Variants in PPP2R5B observed in about 807,000 individuals in gnomAD.
PPP2R5B encodes the protein serine/threonine-protein phosphatase 2A 56 kDa regulatory subunit beta isoform.
PPP2R5B carries 19 observed loss-of-function variants against 59.9 expected under a neutral mutation model. The observed-to-expected ratio is 0.32, with a 90% CI of 0.22 to 0.47. The LOEUF is 0.47. Among genes scored for constraint, PPP2R5B ranks in the 20% least tolerant of loss-of-function variants. The pLI, the probability that PPP2R5B is intolerant of heterozygous loss-of-function variation, is 1.00. For missense variants in PPP2R5B, 441 were observed against 640.2 expected (o/e 0.69, Z 3.36); for synonymous variants, 286 against 260.5 (o/e 1.10, Z -0.94).
upstream of PPP2R5B, among the ~76,000 whole-genome samples, chr11:64,920,792 G>C (rs35131180): frequency 0.2 from 31,009 of 151,322 alleles, 3,482 homozygotes; most frequent in East Asian, 0.43. Context: ...ACCACGCCTG[G>C]CTAATTTTTC....
chr11:64,925,766 C>T lies in PPP2R5B; in HGVS notation c.32C>T (p.Pro11Leu), dbSNP rs763889029. Residue 11 changes from proline (P) to leucine (L), a missense_variant, in exon 2 of 14, where the codon CCC becomes CTC. Coordinates refer to ENST00000164133, the MANE Select transcript of PPP2R5B (RefSeq NM_006244.4). The surrounding 1 kb of genome is among the most constrained non-coding windows in gnomAD (Gnocchi z 4.6). ...ACGAAGCTGCCCCCTGCAAGCACCC[C>T]CACTAGCCCCTCCTCCCCCGGGCTG... is the stretch of plus-strand genomic sequence containing the variant. METKLPPAST[P>L]TSPSSPGLSP... is the part of the protein sequence containing the mutation. The T allele has an allele frequency of 5.6e-6, 9 of 1,593,100 alleles. No homozygotes were observed. The Admixed American group carries it at 1.4e-4, about 24-fold the overall frequency.
chr11:64,927,105 C>A (rs1945174434), intron 3 of PPP2R5B, among the ~76,000 whole-genome samples, 197 bp downstream of exon 3: 1 of 152,208 alleles, frequency 6.6e-6, no homozygotes, highest in Non-Finnish European at 1.5e-5. Context: ...CACACCTTTG[C>A]TTATGCTTGC....
intron 13 of PPP2R5B, 103 bp downstream of exon 13, chr11:64,933,349 C>T: frequency 1.0e-6 from 1 of 987,148 alleles, no homozygotes; most frequent in Non-Finnish European, 1.5e-6. Flanking sequence ...TCTGTCTGAT[C>T]AGATGCTGCA....
chr11:64,931,355 A>G lies in PPP2R5B; in HGVS notation c.892-81A>G, dbSNP rs1050115964. 2 of 1,486,062 alleles carry G rather than the reference A, an allele frequency of 1.3e-6. No homozygotes were observed. Among genetic ancestry groups the G allele is most frequent in the African/African-American group, 2.8e-5 (2 of 71,800 alleles). The allele number at this position is 1,486,062 out of a possible 1,614,324, so 92.1% of individuals were successfully genotyped here. ...AGGCCGTGGGTGAGCAGTATTTGGC[A>G]TTCTGTCCTGGACAGCAAGTCCTTG... On this transcript the variant is annotated intron_variant, in intron 8 of 13. Coordinates refer to ENST00000164133, the MANE Select transcript of PPP2R5B (RefSeq NM_006244.4). This position sits in a 1 kb window ranked among gnomAD's most constrained non-coding sequence, Gnocchi z 5.0.
chr11:64,929,720 C>T (rs1945207904), intron 6 of PPP2R5B, among the ~76,000 whole-genome samples: 1 of 152,136 alleles, frequency 6.6e-6, no homozygotes, highest in Admixed American at 6.5e-5. Context: ...AGCGAGATTC[C>T]ATCTCAAAGA....
chr11:64,925,624 CAA>C lies in PPP2R5B; in HGVS notation c.-109_-108del. On this transcript the variant is annotated 5_prime_UTR_variant, in exon 2 of 14. Transcript: ENST00000164133. This position sits in a 1 kb window ranked among gnomAD's most constrained non-coding sequence, Gnocchi z 4.6. ...CAGGACTGTGGTTGTGCCCCCCCCCCAAAGGCCGGACAGGATGGGACCAAGTT... is the reference window on the plus strand; with the variant it reads ...CAGGACTGTGGTTGTGCCCCCCCCCCAGGCCGGACAGGATGGGACCAAGTT... 26 of 563,394 alleles carry C rather than the reference CAA, an allele frequency of 4.6e-5. No homozygotes were observed. Among genetic ancestry groups the C allele is most frequent in the East Asian group, 1.8e-4 (5 of 27,984 alleles). 34.9% of individuals were successfully genotyped at this position (563,394 alleles called of 1,614,324 possible). A position where few individuals can be genotyped will look rare whatever the true frequency, so the allele number is the denominator to read the frequency against.
At position 64,928,366 on chromosome 11, in the gene PPP2R5B, T is replaced by C. The variant is rs1456374532; in HGVS notation, c.663T>C (p.Tyr221=). ...EYLKTILHRV[Y]GKFLGLRAYI... Reference sequence around the variant, plus strand: ...TCAAGACCATCCTGCACCGGGTCTATGGCAAGTTCCTGGGTCTCCGGGCCT... The same window carrying C: ...TCAAGACCATCCTGCACCGGGTCTACGGCAAGTTCCTGGGTCTCCGGGCCT... The change falls in exon 6 of 14, where the codon TAT becomes TAC. Residue 221 remains tyrosine, a synonymous_variant. Coordinates refer to ENST00000164133, the MANE Select transcript of PPP2R5B (RefSeq NM_006244.4). The C allele has an allele frequency of 1.2e-6, 2 of 1,614,104 alleles. No homozygotes were observed. Among genetic ancestry groups the C allele is most frequent in the Non-Finnish European group, 1.7e-6 (2 of 1,180,032 alleles).
At position 64,925,333 on chromosome 11, in the gene PPP2R5B, C is replaced by T; in HGVS notation, c.-264-138C>T. The T allele has an allele frequency of 5.7e-6, 1 of 174,974 alleles. No individual in the cohort carries two copies. Among genetic ancestry groups the T allele is most frequent in the Non-Finnish European group, 1.2e-5 (1 of 81,150 alleles). 10.8% of individuals were successfully genotyped at this position (174,974 alleles called of 1,614,324 possible). A position where few individuals can be genotyped will look rare whatever the true frequency, so the allele number is the denominator to read the frequency against. ...TGTCCAGGATGGGAGGGGGCTGCAC[C>T]CCTATTTTAGGGTCTGGGCAAGGAT... is the stretch of plus-strand genomic sequence containing the variant. On this transcript the variant is annotated intron_variant, in intron 1 of 13. Coordinates refer to ENST00000164133, the MANE Select transcript of PPP2R5B (RefSeq NM_006244.4). The surrounding 1 kb of genome is among the most constrained non-coding windows in gnomAD (Gnocchi z 4.6).
intron 2 of PPP2R5B, 92 bp downstream of exon 2, chr11:64,926,025 G>A (rs1945160404): frequency 1.5e-6 from 2 of 1,336,646 alleles, no homozygotes; most frequent in African/African-American, 1.5e-5. Context: ...CAGCTGCCAA[G>A]AGAGAGAGTT....
rs1945232220 is a variant in PPP2R5B at position 64,931,991 on chromosome 11, G to A, written c.1116+123G>A. The A allele has an allele frequency of 6.8e-7, 1 of 1,462,622 alleles. No homozygotes were observed. Among genetic ancestry groups the A allele is most frequent in the Admixed American group, 2.2e-5 (1 of 44,864 alleles). 90.6% of individuals were successfully genotyped at this position (1,462,622 alleles called of 1,614,324 possible). A position where few individuals can be genotyped will look rare whatever the true frequency, so the allele number is the denominator to read the frequency against. On this transcript the variant is annotated intron_variant, in intron 11 of 13. Transcript: ENST00000164133. The surrounding 1 kb of genome is among the most constrained non-coding windows in gnomAD (Gnocchi z 5.0). ...ATCCCGGGTCTGGTAATGGGGAGAT[G>A]CTGGACTTAGGGTCAGGAGACCTAG...
At chr11:64,932,202 G>A (rs1448374315) in intron 11 of PPP2R5B, among the ~76,000 whole-genome samples, 1 of 152,202 alleles carries the variant, frequency 6.6e-6, no homozygotes, top group Non-Finnish European at 1.5e-5. Flanking sequence ...TCCAGAATGT[G>A]ATGGAGGACT....
At chr11:64,928,191 C>A (rs759359115) in intron 5 of PPP2R5B, 33 bp downstream of exon 5, 2 of 1,613,720 alleles carry the variant, frequency 1.2e-6, no homozygotes, top group South Asian at 2.2e-5. Flanking sequence ...GGTGGTACCA[C>A]AAGGCAGGGG....
upstream of PPP2R5B, among the ~76,000 whole-genome samples, chr11:64,921,307 G>A (rs1246507135): frequency 7.5e-6 from 1 of 132,704 alleles, no homozygotes; most frequent in Non-Finnish European, 1.6e-5. Context: ...GCATTTAGGG[G>A]CTTCTTCTAC....
At chr11:64,921,137 G>A (rs1481870415), upstream of PPP2R5B, among the ~76,000 whole-genome samples, 2 of 151,528 alleles carry the variant, frequency 1.3e-5, no homozygotes, top group Non-Finnish European at 1.5e-5. Flanking sequence ...TCTATTTTTT[G>A]TAGAGATGGA....
Position 64,925,661 on chromosome 11 carries a change from A to C in PPP2R5B, c.-74A>C. 1 of 606,858 alleles carries C rather than the reference A, an allele frequency of 1.6e-6. No individual in the cohort carries two copies. Among genetic ancestry groups the C allele is most frequent in the Non-Finnish European group, 2.7e-6 (1 of 366,416 alleles). 37.6% of individuals were successfully genotyped at this position (606,858 alleles called of 1,614,324 possible). A position where few individuals can be genotyped will look rare whatever the true frequency, so the allele number is the denominator to read the frequency against. The stretch of plus-strand genomic sequence containing the variant: ...AGGATGGGACCAAGTTAGTCTGTCC[A>C]GTCTCACCCAGCACCTCCCAGGCCC... On this transcript the variant is annotated 5_prime_UTR_variant, in exon 2 of 14. Coordinates refer to ENST00000164133, the MANE Select transcript of PPP2R5B (RefSeq NM_006244.4). The surrounding 1 kb of genome is among the most constrained non-coding windows in gnomAD (Gnocchi z 4.6).
Position 64,931,993 on chromosome 11 carries a change from T to C in PPP2R5B, c.1116+125T>C, listed in dbSNP as rs1945232246. 6 of 1,458,036 alleles carry C rather than the reference T, an allele frequency of 4.1e-6. No homozygotes were observed. Among genetic ancestry groups the C allele is most frequent in the African/African-American group, 1.4e-5 (1 of 70,672 alleles). The allele number at this position is 1,458,036 out of a possible 1,614,324, so 90.3% of individuals were successfully genotyped here. ...CCCGGGTCTGGTAATGGGGAGATGC[T>C]GGACTTAGGGTCAGGAGACCTAGGG... On this transcript the variant is annotated intron_variant, in intron 11 of 13. Coordinates refer to ENST00000164133, the MANE Select transcript of PPP2R5B (RefSeq NM_006244.4). This position sits in a 1 kb window ranked among gnomAD's most constrained non-coding sequence, Gnocchi z 5.0.
At chr11:64,923,751 C>T (rs550944891), upstream of PPP2R5B, among the ~76,000 whole-genome samples, 6 of 152,312 alleles carry the variant, frequency 3.9e-5, no homozygotes, top group African/African-American at 1.4e-4. Context: ...TTTCCTACTG[C>T]TCACCATGGA....
intron 3 of PPP2R5B, among the ~76,000 whole-genome samples, chr11:64,927,568 G>T (rs1945181456): frequency 6.6e-6 from 1 of 152,202 alleles, no homozygotes; most frequent in South Asian, 2.1e-4. Flanking sequence ...GCCGGGCATA[G>T]TGGTGTGCTA....
intron 1 of PPP2R5B, among the ~76,000 whole-genome samples, chr11:64,918,968 G>T (rs1945081418): frequency 6.6e-6 from 1 of 152,160 alleles, no homozygotes. Flanking sequence ...CTGGGGTTGG[G>T]TTAGTAAGTG....
Sources: allele counts gnomAD v4.1 joint callset (sites outside exome capture counted in the v4.1 genomes callset), GRCh38; gene constraint gnomAD v4.1.1; non-coding constraint Gnocchi (gnomAD v3.1); transcripts MANE v1.5; gene names NCBI Gene and HGNC (gene_info 2026-07-23, HGNC 2026-07-21).